CNBD1: variants seen among roughly 807,000 people sequenced by gnomAD.
CNBD1 encodes cyclic nucleotide-binding domain-containing protein 1.
In CNBD1, 71 loss-of-function variants were observed where a neutral mutation model predicts 54.4. The observed-to-expected ratio is 1.30, with a 90% CI of 1.08 to 1.59. The LOEUF (loss-of-function observed/expected upper bound fraction) is 1.59, where lower values mean the gene tolerates loss of function less well. CNBD1 is among the 40% of genes most tolerant of loss of function. The pLI is 0.00. For missense variants in CNBD1, 659 were observed against 518.0 expected (o/e 1.27, Z -2.64); for synonymous variants, 182 against 170.7 (o/e 1.07, Z -0.51).
At chr8:86,981,626 T>G (rs1808491129) in intron 4 of CNBD1, among the ~76,000 whole-genome samples, 1 of 152,342 alleles carries the variant, frequency 6.6e-6, no homozygotes, top group East Asian at 1.9e-4. Context: ...GAGTTTGACC[T>G]TCACTAGAAT....
chr8:86,867,068 A>G (rs1403361437), intron 1 of CNBD1, among the ~76,000 whole-genome samples: 1 of 152,122 alleles, frequency 6.6e-6, no homozygotes, highest in African/African-American at 2.4e-5. Flanking sequence ...TTCCTATTTA[A>G]CTTTTTTATT....
chr8:86,915,781 T>C (rs1010539451), intron 3 of CNBD1, among the ~76,000 whole-genome samples: 6 of 152,184 alleles, frequency 3.9e-5, no homozygotes, highest in African/African-American at 7.2e-5. Flanking sequence ...CCTTGACATA[T>C]AGTGTCTATT....
chr8:87,254,572 G>A (rs955314636), intron 6 of CNBD1, among the ~76,000 whole-genome samples: 1 of 152,142 alleles, frequency 6.6e-6, no homozygotes, highest in Non-Finnish European at 1.5e-5. Context: ...TCTCAGTATA[G>A]ATATGCATGT....
intron 3 of CNBD1, among the ~76,000 whole-genome samples, chr8:86,932,983 C>T (rs184296243): frequency 8.0e-4 from 122 of 152,154 alleles, no homozygotes; most frequent in African/African-American, 2.3e-3. Context: ...TGGCCCTTAC[C>T]GACACATTCT....
At chr8:87,188,748 CA>C (rs1166114088) in intron 4 of CNBD1, among the ~76,000 whole-genome samples, 2,923 of 89,136 alleles carry the variant, frequency 0.033, 76 homozygotes, top group African/African-American at 0.11. Context: ...GACTCCATCT[CA>C]AAAAAAAAAA....
chr8:87,058,911 G>T (rs1052559077), intron 4 of CNBD1, among the ~76,000 whole-genome samples: 2 of 152,124 alleles, frequency 1.3e-5, no homozygotes, highest in African/African-American at 2.4e-5. Context: ...AGAAAATGGG[G>T]TTTTCTTTTC....
At chr8:87,018,196 T>C (rs1809407880) in intron 4 of CNBD1, among the ~76,000 whole-genome samples, 1 of 152,228 alleles carries the variant, frequency 6.6e-6, no homozygotes, top group East Asian at 1.9e-4. Context: ...TGAGCCAAGA[T>C]TGTGCCATTG....
At chr8:87,284,525 A>G (rs928270368) in intron 6 of CNBD1, among the ~76,000 whole-genome samples, 153 bp from the exon 7 acceptor site, 6 of 152,166 alleles carry the variant, frequency 3.9e-5, no homozygotes, top group Non-Finnish European at 4.4e-5. Flanking sequence ...GGGAAGTGAC[A>G]TCGAGCAGAA....
At chr8:87,224,607 T>C (rs1466351189) in intron 5 of CNBD1, among the ~76,000 whole-genome samples, 2 of 151,766 alleles carry the variant, frequency 1.3e-5, no homozygotes, top group Non-Finnish European at 2.9e-5. Flanking sequence ...TCTATATCTC[T>C]GTTTAGGTAC....
At chr8:87,276,459 AT>A (rs2130862806) in intron 6 of CNBD1, among the ~76,000 whole-genome samples, 1 of 151,858 alleles carries the variant, frequency 6.6e-6, no homozygotes, top group African/African-American at 2.4e-5. Flanking sequence ...CTTGTTCTGA[AT>A]AATTTTGTTA....
chr8:87,000,633 G>A (rs553174547), intron 4 of CNBD1, among the ~76,000 whole-genome samples: 2 of 152,304 alleles, frequency 1.3e-5, no homozygotes, highest in African/African-American at 4.8e-5. Context: ...AACATTAAAT[G>A]TTAGATATTA....
chr8:87,008,559 G>A (rs1352210969), intron 4 of CNBD1, among the ~76,000 whole-genome samples: 1 of 152,164 alleles, frequency 6.6e-6, no homozygotes, highest in Non-Finnish European at 1.5e-5. Context: ...GTTTTGATAA[G>A]TCAAATATAT....
chr8:87,355,073 G>T (rs1810394997), intron 10 of CNBD1, among the ~76,000 whole-genome samples: 1 of 152,146 alleles, frequency 6.6e-6, no homozygotes, highest in Non-Finnish European at 1.5e-5. Context: ...TACACTGCTG[G>T]ATGAGTTTTT....
At chr8:87,116,226 G>T (rs1811765823) in intron 4 of CNBD1, among the ~76,000 whole-genome samples, 1 of 110,650 alleles carries the variant, frequency 9.0e-6, no homozygotes, top group Admixed American at 1.2e-4. Context: ...TTTTGAGACA[G>T]AGTCTTGCTT....
intron 4 of CNBD1, among the ~76,000 whole-genome samples, chr8:86,963,086 G>A (rs187354348): frequency 3.3e-4 from 50 of 152,196 alleles, no homozygotes; most frequent in African/African-American, 9.4e-4. Context: ...GCGAATACCC[G>A]GGGTATGTGA....
chr8:87,424,747 C>G (rs945227020), intron 2 of CNBD1, among the ~76,000 whole-genome samples: 1 of 152,156 alleles, frequency 6.6e-6, no homozygotes, highest in South Asian at 2.1e-4. Context: ...TCTGGCTGCC[C>G]TTAACCTTTT....
chr8:87,428,489 T>TCTTTTTA (rs1554589783), intron 2 of CNBD1: 139,988 of 373,546 alleles, frequency 0.37, 27,509 homozygotes, highest in African/African-American at 0.43. Context: ...CAATTGCTCT[T>TCTTTTTA]TTTATGAAGA....
At chr8:87,375,613 T>C (rs867610728) in intron 10 of CNBD1, among the ~76,000 whole-genome samples, 9 of 152,000 alleles carry the variant, frequency 5.9e-5, no homozygotes, top group Admixed American at 2.0e-4. Context: ...TCAAGGTTAT[T>C]AGATTGGAAT....
chr8:87,060,986 C>T (rs1810533087), intron 4 of CNBD1, among the ~76,000 whole-genome samples: 1 of 152,088 alleles, frequency 6.6e-6, no homozygotes, highest in Admixed American at 6.5e-5. Context: ...TCAGGACTGA[C>T]CCTCAGAAAG....
Sources: gnomAD v4.1 joint callset for allele counts (sites outside exome capture counted in the v4.1 genomes callset) on GRCh38, gnomAD v4.1.1 for gene constraint, MANE v1.5 for transcripts, NCBI Gene and HGNC (gene_info 2026-07-23, HGNC 2026-07-21) for gene names.